The following TMPRSS15 variants were observed in gnomAD, a reference collection of about 807,000 sequenced individuals.
TMPRSS15 encodes the protein enteropeptidase.
TMPRSS15 carries 128 observed loss-of-function variants against 125.3 expected under a neutral mutation model. That is an observed-to-expected ratio of 1.02 (90% confidence interval 0.89 to 1.18). The LOEUF (loss-of-function observed/expected upper bound fraction) is 1.18, where lower values mean the gene tolerates loss of function less well. TMPRSS15 is among the 50% of genes most tolerant of loss of function. The probability of loss-of-function intolerance (pLI) is 0.00; values close to 1 mark genes in which losing one functional copy is unlikely to be tolerated. For missense variants in TMPRSS15, 1,283 were observed against 1,212.7 expected (o/e 1.06, Z -0.86); for synonymous variants, 446 against 423.2 (o/e 1.05, Z -0.66).
chr21:18,475,074 C>G (rs998967980), intron 1 of TMPRSS15, among the ~76,000 whole-genome samples: 1 of 152,170 alleles, frequency 6.6e-6, no homozygotes, highest in African/African-American at 2.4e-5. Flanking sequence ...TCTAGGACAG[C>G]TGGGACCTAA....
intron 15 of TMPRSS15, 58 bp downstream of exon 15, chr21:18,329,111 C>T (rs1418778577): frequency 1.3e-6 from 2 of 1,595,786 alleles, no homozygotes; most frequent in Non-Finnish European, 1.7e-6. Context: ...AACGCTCTTT[C>T]CATCAGCACA....
At chr21:18,402,596 T>C (rs1056210253) in intron 1 of TMPRSS15, among the ~76,000 whole-genome samples, 1 of 150,376 alleles carries the variant, frequency 6.6e-6, no homozygotes, top group Non-Finnish European at 1.5e-5. Context: ...ATTTTAAAAA[T>C]GTAAAAAATT....
intron 4 of TMPRSS15, among the ~76,000 whole-genome samples, chr21:18,380,926 A>G (rs1394277301): frequency 1.3e-5 from 2 of 152,154 alleles, no homozygotes; most frequent in Non-Finnish European, 2.9e-5. Flanking sequence ...GCATACCTAG[A>G]ACCACTTGTT....
chr21:18,401,740 TA>T (rs1293986364), intron 1 of TMPRSS15, among the ~76,000 whole-genome samples: 11 of 152,036 alleles, frequency 7.2e-5, no homozygotes, highest in African/African-American at 2.7e-4. Context: ...AATAATAGTT[TA>T]AAAAGAAAAA....
intron 8 of TMPRSS15, among the ~76,000 whole-genome samples, chr21:18,358,147 C>T (rs1049714890): frequency 6.6e-6 from 1 of 151,696 alleles, no homozygotes; most frequent in Non-Finnish European, 1.5e-5. Context: ...ATTGCTGATA[C>T]CCTAACCATG....
intron 24 of TMPRSS15, among the ~76,000 whole-genome samples, chr21:18,272,413 A>G (rs900321727): frequency 6.6e-6 from 1 of 151,812 alleles, no homozygotes; most frequent in Non-Finnish European, 1.5e-5. Flanking sequence ...TGTCTTGGAG[A>G]TATATGAGTA....
intron 6 of TMPRSS15, among the ~76,000 whole-genome samples, chr21:18,368,051 A>G (rs2075755538): frequency 6.6e-6 from 1 of 152,224 alleles, no homozygotes; most frequent in African/African-American, 2.4e-5. Flanking sequence ...TAGAATACAG[A>G]TCACATTTGC....
intron 1 of TMPRSS15, among the ~76,000 whole-genome samples, chr21:18,435,080 A>ATT (rs201980204): frequency 6.6e-6 from 1 of 151,898 alleles, no homozygotes; most frequent in African/African-American, 2.4e-5. Flanking sequence ...AAAAACACCA[A>ATT]TTTTTTTTAC....
chr21:18,483,124 T>C (rs1034366858), intron 1 of TMPRSS15, among the ~76,000 whole-genome samples: 3 of 151,870 alleles, frequency 2.0e-5, no homozygotes, highest in Non-Finnish European at 4.4e-5. Flanking sequence ...TTAGATGAAA[T>C]TTCTACATTC....
intron 1 of TMPRSS15, among the ~76,000 whole-genome samples, chr21:18,459,275 TTTTTTC>T (rs1027858605): frequency 5.3e-5 from 8 of 152,106 alleles, no homozygotes; most frequent in African/African-American, 1.9e-4. Context: ...ACTCTTTTTT[TTTTTTC>T]TTTTTCTTTT....
At chr21:18,286,568 A>T (rs749182680) in intron 21 of TMPRSS15, among the ~76,000 whole-genome samples, 2 of 152,132 alleles carry the variant, frequency 1.3e-5, no homozygotes, top group Non-Finnish European at 2.9e-5. Flanking sequence ...CTTACTCCAT[A>T]TCTGTGATCA....
intron 8 of TMPRSS15, among the ~76,000 whole-genome samples, chr21:18,356,574 T>C (rs1436377794): frequency 6.6e-6 from 1 of 151,772 alleles, no homozygotes; most frequent in Non-Finnish European, 1.5e-5. Context: ...TGCCAGGCAC[T>C]ATGATTGGCG....
chr21:18,291,784 G>A (rs74945807), intron 21 of TMPRSS15, among the ~76,000 whole-genome samples: 1 of 152,216 alleles, frequency 6.6e-6, no homozygotes, highest in Admixed American at 6.5e-5. Flanking sequence ...AATGCCTAAG[G>A]AGAGTAAAAT....
chr21:18,328,249 A>G (rs901427274), intron 15 of TMPRSS15, among the ~76,000 whole-genome samples: 1 of 152,192 alleles, frequency 6.6e-6, no homozygotes, highest in Non-Finnish European at 1.5e-5. Context: ...TTATTTTAAA[A>G]TAATCAATAA....
chr21:18,352,803 A>G, intron 10 of TMPRSS15, 100 bp downstream of exon 10: 1 of 1,261,012 alleles, frequency 7.9e-7, no homozygotes, highest in Non-Finnish European at 1.1e-6. Context: ...AGACTTTTGC[A>G]TTTAATACTG....
chr21:18,312,033 A>G (rs2075105959), intron 18 of TMPRSS15, among the ~76,000 whole-genome samples: 2 of 152,144 alleles, frequency 1.3e-5, no homozygotes, highest in South Asian at 4.1e-4. Context: ...TTCCCTTTAT[A>G]GACCTCATAG....
At chr21:18,366,601 T>G (rs2075740520) in intron 6 of TMPRSS15, among the ~76,000 whole-genome samples, 1 of 152,174 alleles carries the variant, frequency 6.6e-6, no homozygotes, top group Non-Finnish European at 1.5e-5. Context: ...CTATGTATAG[T>G]ATATGCAAAA....
chr21:18,415,504 A>G (rs1278283923), intron 1 of TMPRSS15, among the ~76,000 whole-genome samples: 1 of 152,076 alleles, frequency 6.6e-6, no homozygotes, highest in Non-Finnish European at 1.5e-5. Flanking sequence ...TTAAGTCTTT[A>G]GTCCATTTTT....
chr21:18,407,972 G>A (rs2076156828), upstream of TMPRSS15, among the ~76,000 whole-genome samples: 1 of 152,122 alleles, frequency 6.6e-6, no homozygotes, highest in South Asian at 2.1e-4. Flanking sequence ...TTCTGGTTAG[G>A]TGAATAATGA....
Sources: allele counts gnomAD v4.1 joint callset (sites outside exome capture counted in the v4.1 genomes callset), GRCh38; gene constraint gnomAD v4.1.1; transcripts MANE v1.5; gene names NCBI Gene and HGNC (gene_info 2026-07-23, HGNC 2026-07-21).